The following TBC1D22A variants were observed in gnomAD, a reference collection of about 807,000 sequenced individuals.
The protein encoded by TBC1D22A is putative GTPase activator.
In TBC1D22A, 38 loss-of-function variants were observed where a neutral mutation model predicts 60.2. The observed-to-expected ratio is 0.63, with a 90% CI of 0.49 to 0.83. TBC1D22A has a LOEUF of 0.83. Ranked by LOEUF, TBC1D22A falls within the 40% of genes least tolerant of loss-of-function variation. The probability of loss-of-function intolerance (pLI) is 0.00; values close to 1 mark genes in which losing one functional copy is unlikely to be tolerated. For synonymous variants in TBC1D22A, 302 were observed against 281.7 expected (o/e 1.07, Z -0.72); for missense variants, 628 against 701.0 (o/e 0.90, Z 1.18).
Position 47,020,162 on chromosome 22 carries a change from G to A in TBC1D22A, c.1202-16909G>A, listed in dbSNP as rs116640783. Among the ~76,000 whole-genome samples, 634 of 152,346 alleles carry A rather than the reference G, an allele frequency of 4.2e-3. 9 individuals carry two copies. The highest frequency in any genetic ancestry group is 0.015 in the African/African-American group (604 of 41,558). ...GAATGGAAAGATTTCATGTCGTCAT[G>A]AGCTTGCATTCTTATGGGAGGAACA... On this transcript the variant is annotated intron_variant, in intron 10 of 12. Coordinates refer to ENST00000337137, the MANE Select transcript of TBC1D22A (RefSeq NM_014346.5).
intron 4 of TBC1D22A, among the ~76,000 whole-genome samples, chr22:46,858,395 G>A (rs1027832920): frequency 6.6e-6 from 1 of 152,190 alleles, no homozygotes; most frequent in Non-Finnish European, 1.5e-5. Flanking sequence ...CATGAGGACC[G>A]GGCTGGAGGC....
At chr22:46,912,907 AT>A (rs757884972) in intron 8 of TBC1D22A, among the ~76,000 whole-genome samples, 3 of 152,090 alleles carry the variant, frequency 2.0e-5, no homozygotes, top group Non-Finnish European at 4.4e-5. Context: ...TCAGTCACAT[AT>A]TTTGCTTACA....
At chr22:47,087,615 T>C (rs999171954) in intron 11 of TBC1D22A, among the ~76,000 whole-genome samples, 1 of 152,228 alleles carries the variant, frequency 6.6e-6, no homozygotes, top group Non-Finnish European at 1.5e-5. Context: ...CTATGACTTA[T>C]ATACCTACTT....
rs563360644 is a variant in TBC1D22A, at chr22:46,878,707, C to T, written c.692C>T (p.Thr231Met). 3.0e-5 allele frequency: 49 copies of T among 1,613,102 alleles called. No individual in the cohort carries two copies. The highest frequency in any genetic ancestry group is 3.9e-5 in the Non-Finnish European group (46 of 1,179,824). The change falls in exon 5 of 13, where the codon ACG becomes ATG. Residue 231 changes from threonine to methionine, a missense_variant. Physicochemically the swap from Thr to Met is moderately conservative, Grantham distance 81. Transcript: ENST00000337137. The stretch of plus-strand genomic sequence containing the variant: ...ATCCCTAAGCCAGTGCGTCCAATGA[C>T]GTGGAAGCTCCTCTCAGTAAGTCCC... ...SGIPKPVRPM[T>M]WKLLSGYLPA...
intron 5 of TBC1D22A, among the ~76,000 whole-genome samples, chr22:46,890,936 G>A (rs1362157154): frequency 6.6e-6 from 1 of 152,172 alleles, no homozygotes; most frequent in African/African-American, 2.4e-5. Context: ...GTTTCATCTC[G>A]CAGCCCTGTT....
chr22:47,094,052 C>T (rs147093071), intron 11 of TBC1D22A, among the ~76,000 whole-genome samples: 3 of 152,100 alleles, frequency 2.0e-5, no homozygotes, highest in Non-Finnish European at 2.9e-5. Flanking sequence ...AGGAAGCAGT[C>T]AAGATGAATG....
At chr22:46,941,537 A>G (rs2072086648) in intron 8 of TBC1D22A, among the ~76,000 whole-genome samples, 1 of 141,138 alleles carries the variant, frequency 7.1e-6, no homozygotes, top group African/African-American at 2.8e-5. Flanking sequence ...GAATATATAT[A>G]CGGAATATAT....
At chr22:46,829,234 G>A (rs2086202788) in intron 4 of TBC1D22A, among the ~76,000 whole-genome samples, 1 of 152,198 alleles carries the variant, frequency 6.6e-6, no homozygotes, top group African/African-American at 2.4e-5. Context: ...GTTACTTGTG[G>A]CCTGGGCTGT....
chr22:47,087,887 A>C (rs1378245066), intron 11 of TBC1D22A, among the ~76,000 whole-genome samples: 3 of 151,906 alleles, frequency 2.0e-5, no homozygotes, highest in Non-Finnish European at 4.4e-5. Context: ...CATCCTGGTT[A>C]ACACAGTGAA....
At chr22:46,997,452 TAGC>T (rs1352153980) in intron 9 of TBC1D22A, among the ~76,000 whole-genome samples, 179 bp from the exon 10 acceptor site, 2 of 152,248 alleles carry the variant, frequency 1.3e-5, no homozygotes, top group African/African-American at 2.4e-5. Context: ...CTTCTCAAAA[TAGC>T]AGTCAGCGGC....
chr22:46,910,798 G>A (rs1602440020), intron 7 of TBC1D22A, among the ~76,000 whole-genome samples: 1 of 152,178 alleles, frequency 6.6e-6, no homozygotes, highest in East Asian at 1.9e-4. Context: ...GGAGTGGCAG[G>A]CTTTCCAGGC....
At chr22:47,144,902 C>T (rs548204678) in intron 12 of TBC1D22A, among the ~76,000 whole-genome samples, 6 of 151,646 alleles carry the variant, frequency 4.0e-5, no homozygotes, top group African/African-American at 1.2e-4. Context: ...GGGTGCAGCC[C>T]GTGAAGGTGC....
At chr22:46,951,952 G>A (rs1466271563) in intron 8 of TBC1D22A, among the ~76,000 whole-genome samples, 2 of 152,230 alleles carry the variant, frequency 1.3e-5, no homozygotes, top group African/African-American at 4.8e-5. Flanking sequence ...GCTTATTGGA[G>A]TTGGACCAAT....
At chr22:46,855,033 T>C (rs2087497296) in intron 4 of TBC1D22A, among the ~76,000 whole-genome samples, 1 of 152,230 alleles carries the variant, frequency 6.6e-6, no homozygotes, top group African/African-American at 2.4e-5. Flanking sequence ...TATTTTTCTT[T>C]GCCTGGACTG....
At chr22:46,907,273 G>A (rs2069556164) in intron 7 of TBC1D22A, among the ~76,000 whole-genome samples, 1 of 152,158 alleles carries the variant, frequency 6.6e-6, no homozygotes, top group African/African-American at 2.4e-5. Context: ...TTCACCAAGT[G>A]CTTCTATCTT....
chr22:47,143,931 T>C (rs2067198952), intron 12 of TBC1D22A, among the ~76,000 whole-genome samples: 1 of 152,192 alleles, frequency 6.6e-6, no homozygotes, highest in Non-Finnish European at 1.5e-5. Context: ...CCCGCTGCCT[T>C]CTTCTGCTCC....
At chr22:46,800,401 A>G (rs1247246923) in intron 4 of TBC1D22A, among the ~76,000 whole-genome samples, 3 of 151,806 alleles carry the variant, frequency 2.0e-5, no homozygotes, top group Non-Finnish European at 1.5e-5. Context: ...CTTGTAGTTG[A>G]CGTACCCATC....
chr22:46,920,479 A>T (rs1360200728), intron 8 of TBC1D22A, among the ~76,000 whole-genome samples: 1 of 152,190 alleles, frequency 6.6e-6, no homozygotes, highest in African/African-American at 2.4e-5. Context: ...TAAAATTTCC[A>T]TATATTCCCT....
At chr22:46,859,954 GC>G (rs1218629353) in intron 4 of TBC1D22A, among the ~76,000 whole-genome samples, 7 of 14,224 alleles carry the variant, frequency 4.9e-4, no homozygotes, top group African/African-American at 4.6e-3. Context: ...ATAGAGGTCC[GC>G]GCAGTGCTGT....
Sources: allele counts gnomAD v4.1 joint callset (sites outside exome capture counted in the v4.1 genomes callset), GRCh38; gene constraint gnomAD v4.1.1; transcripts MANE v1.5; gene names NCBI Gene and HGNC (gene_info 2026-07-23, HGNC 2026-07-21).